The following MICU1 variants were observed in gnomAD, a reference collection of about 807,000 sequenced individuals.
The protein encoded by MICU1 is mitochondrial calcium uptake 1, also known as calcium uptake protein 1, mitochondrial.
In MICU1, 45 loss-of-function variants were observed where a neutral mutation model predicts 56.8. That is an observed-to-expected ratio of 0.79 (90% CI 0.62 to 1.02). The LOEUF (loss-of-function observed/expected upper bound fraction) is 1.02, where lower values mean the gene tolerates loss of function less well. Among genes scored for constraint, MICU1 ranks in the 50% least tolerant of loss-of-function variants. MICU1 has a pLI of 0.00. For synonymous variants in MICU1, 186 were observed against 195.1 expected, an observed-to-expected ratio of 0.95 and a Z score of 0.39; for missense variants, 504 against 587.1, an observed-to-expected ratio of 0.86 and a Z score of 1.46.
intron 1 of MICU1, among the ~76,000 whole-genome samples, chr10:72,588,314 AC>A (rs1841122938): frequency 7.7e-6 from 1 of 129,728 alleles, no homozygotes; most frequent in African/African-American, 2.5e-5. Context: ...TTCATAAATT[AC>A]CCAGTCTGAG....
intron 6 of MICU1, chr10:72,477,527 T>C (rs750809296): frequency 1.3e-6 from 2 of 1,535,670 alleles, no homozygotes; most frequent in South Asian, 2.4e-5. Context: ...TTAAATGATT[T>C]AGCTTTGCTT....
chr10:72,549,139 T>C (rs974644896), intron 4 of MICU1, among the ~76,000 whole-genome samples: 1 of 152,010 alleles, frequency 6.6e-6, no homozygotes, highest in Non-Finnish European at 1.5e-5. Context: ...ATGACATAAA[T>C]GTTTTTGGTT....
At chr10:72,579,577 T>C (rs939585373) in intron 1 of MICU1, among the ~76,000 whole-genome samples, 3 of 152,048 alleles carry the variant, frequency 2.0e-5, no homozygotes, top group Non-Finnish European at 4.4e-5. Context: ...ACCTGACACA[T>C]TTTTTTCATT....
chr10:72,549,886 C>T (rs1050070224), intron 4 of MICU1, among the ~76,000 whole-genome samples: 7 of 135,696 alleles, frequency 5.2e-5, no homozygotes, highest in East Asian at 2.1e-4. Context: ...GCTGAGATTG[C>T]GCCATTGTAT....
At chr10:72,625,216 A>C (rs1842198564) in intron 1 of MICU1, among the ~76,000 whole-genome samples, 1 of 152,196 alleles carries the variant, frequency 6.6e-6, no homozygotes, top group South Asian at 2.1e-4. Flanking sequence ...GGAAAAATAA[A>C]ATATTTTACT....
intron 10 of MICU1, among the ~76,000 whole-genome samples, chr10:72,381,062 A>G (rs749233645): frequency 1.2e-4 from 19 of 152,216 alleles, no homozygotes; most frequent in Non-Finnish European, 2.1e-4. Context: ...AGCACATGTA[A>G]CGAATGTGGC....
chr10:72,418,412 A>T (rs1295418375), intron 9 of MICU1, among the ~76,000 whole-genome samples: 3 of 152,182 alleles, frequency 2.0e-5, no homozygotes, highest in South Asian at 2.1e-4. Context: ...TTACAGGAAG[A>T]GTATGATTAG....
chr10:72,471,514 G>A (rs1865950747), intron 8 of MICU1, among the ~76,000 whole-genome samples: 1 of 152,194 alleles, frequency 6.6e-6, no homozygotes, highest in African/African-American at 2.4e-5. Context: ...TTGTGGTCAG[G>A]CTGGCACCTG....
In MICU1 at chr10:72,540,369, A is replaced by AT. The variant is rs556257362; in HGVS notation, c.494-6581dup. On this transcript the variant is annotated intron_variant, in intron 4 of 11. Transcript: ENST00000361114. ...ATTCACTGCAGTATGGTTTGTAATG[A>AT]TTAAAAAAAAAAACTGGCATGGAGC... is the stretch of plus-strand genomic sequence containing the variant. 5.9e-4 allele frequency among the ~76,000 whole-genome samples: 89 copies of AT among 151,948 alleles called. 1 individual carries two copies. The East Asian group carries it at 0.016, about 27-fold the overall frequency.
rs183923349 is a variant in MICU1, at chr10:72,589,053, C to T, written c.-1-22259G>A. On this transcript the variant is annotated intron_variant, in intron 1 of 11. Transcript: ENST00000361114. ...CTGTAATCCCAGCACTTTGGGAGGC[C>T]GAGGTGGGTGGATCACCTGAGGTCA... Among the ~76,000 whole-genome samples, 4 of 152,172 alleles carry T rather than the reference C, an allele frequency of 2.6e-5. No individual in the cohort carries two copies. The East Asian group carries it at 7.7e-4, about 29-fold the overall frequency.
At chr10:72,383,755 G>C (rs1477128651) in intron 10 of MICU1, among the ~76,000 whole-genome samples, 1 of 152,094 alleles carries the variant, frequency 6.6e-6, no homozygotes. Flanking sequence ...TTTAAATTCA[G>C]TTTGTTGAAA....
intron 10 of MICU1, among the ~76,000 whole-genome samples, chr10:72,403,546 A>G (rs1863527949): frequency 6.6e-6 from 1 of 152,010 alleles, no homozygotes; most frequent in Admixed American, 6.6e-5. Flanking sequence ...GTTAAACAAT[A>G]TACTTTTAAA....
At chr10:72,377,094 C>G (rs1178289233) in intron 10 of MICU1, among the ~76,000 whole-genome samples, 2 of 151,234 alleles carry the variant, frequency 1.3e-5, no homozygotes, top group African/African-American at 2.4e-5. Context: ...ATGCACTGGC[C>G]CTTGTCTTAA....
intron 10 of MICU1, among the ~76,000 whole-genome samples, chr10:72,393,621 ACAGT>A (rs2132072139): frequency 6.6e-6 from 1 of 152,368 alleles, no homozygotes; most frequent in African/African-American, 2.4e-5. Context: ...GTGTAAAGCC[ACAGT>A]CAGTAAAGAG....
chr10:72,494,652 G>A (rs1471411165), intron 6 of MICU1, among the ~76,000 whole-genome samples: 5 of 150,144 alleles, frequency 3.3e-5, no homozygotes, highest in Non-Finnish European at 7.4e-5. Flanking sequence ...TACATGTTAA[G>A]AACCCGAAAA....
At chr10:72,447,452 G>A (rs1589228867) in intron 8 of MICU1, among the ~76,000 whole-genome samples, 1 of 152,060 alleles carries the variant, frequency 6.6e-6, no homozygotes, top group South Asian at 2.1e-4. Context: ...CTGTTTCTAT[G>A]AATGACTTAA....
chr10:72,594,787 G>A (rs1841325019), intron 1 of MICU1, among the ~76,000 whole-genome samples: 1 of 151,890 alleles, frequency 6.6e-6, no homozygotes, highest in Non-Finnish European at 1.5e-5. Flanking sequence ...TGGTGCACCT[G>A]TAGTCCCAGC....
chr10:72,410,964 T>C (rs1360922088), intron 9 of MICU1, among the ~76,000 whole-genome samples: 7 of 152,194 alleles, frequency 4.6e-5, no homozygotes, highest in African/African-American at 7.2e-5. Flanking sequence ...GGCAACCCAA[T>C]AGTCTACTGA....
At chr10:72,426,718 C>A (rs1864359032) in intron 8 of MICU1, among the ~76,000 whole-genome samples, 1 of 152,138 alleles carries the variant, frequency 6.6e-6, no homozygotes, top group Non-Finnish European at 1.5e-5. Context: ...ATTAGTGATG[C>A]TCAACCAGTA....
Sources: allele counts gnomAD v4.1 joint callset (sites outside exome capture counted in the v4.1 genomes callset), GRCh38; gene constraint gnomAD v4.1.1; transcripts MANE v1.5; gene names NCBI Gene and HGNC (gene_info 2026-07-23, HGNC 2026-07-21).